Variants in IRAG1 observed in about 807,000 individuals in gnomAD.
The protein encoded by IRAG1 is IP3R-associated cGMP kinase substrate.
In IRAG1, 62 loss-of-function variants were observed where a neutral mutation model predicts 106.2. The ratio of observed to expected loss-of-function variants is 0.58; its 90% CI spans 0.48 to 0.72. The LOEUF is 0.72. Among genes scored for constraint, IRAG1 ranks in the 30% least tolerant of loss-of-function variants. The probability of loss-of-function intolerance (pLI) is 0.00; values close to 1 mark genes in which losing one functional copy is unlikely to be tolerated. For synonymous variants in IRAG1, 462 were observed against 443.9 expected (o/e 1.04, Z -0.51); for missense variants, 1,064 against 1,140.7 (o/e 0.93, Z 0.97).
At position 10,664,280 on chromosome 11, in the gene IRAG1, GC is replaced by G. The variant is rs1589943175; in HGVS notation, c.68-12099del. ...TTCCCTGCTGGGATGGAGCACCCCA[GC>G]TCAGGTCCCCGCCTCCTGTTCATCT... On this transcript the variant is annotated intron_variant, in intron 1 of 20. Coordinates refer to ENST00000423302, the MANE Select transcript of IRAG1 (RefSeq NM_130385.4). Among the ~76,000 whole-genome samples, 3 of 152,258 alleles carry G rather than the reference GC, an allele frequency of 2.0e-5. No individual in the cohort carries two copies. The East Asian group carries it at 5.8e-4, about 29-fold the overall frequency.
chr11:10,622,876 G>GACACACACACACACACACAC (rs10525799), intron 10 of IRAG1, among the ~76,000 whole-genome samples: 6,695 of 141,356 alleles, frequency 0.047, 221 homozygotes, highest in Middle Eastern at 0.082. Context: ...GTAAGCAGTG[G>GACACACACACACACACACAC]ACACACACAC....
At position 10,629,729 on chromosome 11, in the gene IRAG1, G is replaced by A. The variant is rs771862680; in HGVS notation, c.401-18C>T. On this transcript the variant is annotated intron_variant, in intron 4 of 20. Transcript: ENST00000423302. Reference sequence around the variant, plus strand: ...CGCGGGGTCTGCAGAAGGAGGATGAGCTGGGGTGAGAGCCACTGCATCCGT... The same window carrying A: ...CGCGGGGTCTGCAGAAGGAGGATGAACTGGGGTGAGAGCCACTGCATCCGT... 1.2e-6 allele frequency: 2 copies of A among 1,609,664 alleles called. No individual in the cohort carries two copies. Among genetic ancestry groups the A allele is most frequent in the Admixed American group, 1.7e-5 (1 of 59,640 alleles).
intron 9 of IRAG1, 44 bp downstream of exon 9, chr11:10,625,922 T>A: frequency 7.1e-7 from 1 of 1,399,688 alleles, no homozygotes; most frequent in Non-Finnish European, 9.3e-7. Flanking sequence ...GCCCAGGGAG[T>A]ACCTGGAGTA....
chr11:10,632,499 T>G (rs1172865214), intron 3 of IRAG1, among the ~76,000 whole-genome samples: 1 of 152,194 alleles, frequency 6.6e-6, no homozygotes, highest in Non-Finnish European at 1.5e-5. Context: ...TGCCTGTATA[T>G]TCTTTCAAAG....
At chr11:10,679,081 A>T (rs1860932408) in intron 1 of IRAG1, among the ~76,000 whole-genome samples, 1 of 152,162 alleles carries the variant, frequency 6.6e-6, no homozygotes, top group South Asian at 2.1e-4. Context: ...CTTCAGCCTG[A>T]CATGGTGAAG....
intron 2 of IRAG1, among the ~76,000 whole-genome samples, chr11:10,648,691 G>A (rs1404907983): frequency 6.6e-6 from 1 of 152,178 alleles, no homozygotes; most frequent in Non-Finnish European, 1.5e-5. Flanking sequence ...ACCCCACTCA[G>A]GACATAGCCT....
chr11:10,651,581 C>T (rs572250769), intron 2 of IRAG1, among the ~76,000 whole-genome samples: 1 of 152,300 alleles, frequency 6.6e-6, no homozygotes. Context: ...CATTTCCTTT[C>T]TATAATAAAA....
intron 1 of IRAG1, chr11:10,687,872 T>C: frequency 8.8e-7 from 1 of 1,139,174 alleles, no homozygotes; most frequent in South Asian, 1.4e-5. Context: ...GCTTTGCTTT[T>C]TTTTGGGGGG....
In IRAG1 at chr11:10,647,898, C is replaced by T. The variant is rs1007389182; in HGVS notation, c.225+4127G>A. ...GAGAAAAAGAGACTCTGAGAAGACT[C>T]AGAACTGCCTTTCTGCATCTGTAGG... On this transcript the variant is annotated intron_variant, in intron 2 of 20. Transcript: ENST00000423302. This position sits in a 1 kb window ranked among gnomAD's most constrained non-coding sequence, Gnocchi z 4.3. Among the ~76,000 whole-genome samples, 2 of 152,154 alleles carry T rather than the reference C, an allele frequency of 1.3e-5. No homozygotes were observed. The highest frequency in any genetic ancestry group is 1.9e-4 in the East Asian group (1 of 5,192).
At chr11:10,677,156 T>C (rs1860746781) in intron 1 of IRAG1, among the ~76,000 whole-genome samples, 1 of 152,038 alleles carries the variant, frequency 6.6e-6, no homozygotes, top group African/African-American at 2.4e-5. Flanking sequence ...CATATTAACC[T>C]CTTCCCCACT....
At chr11:10,613,529 C>G (rs1023987548) in intron 10 of IRAG1, among the ~76,000 whole-genome samples, 1 of 152,130 alleles carries the variant, frequency 6.6e-6, no homozygotes, top group Admixed American at 6.5e-5. Flanking sequence ...TCCAGCTAAA[C>G]AAGACATAAA....
intron 1 of IRAG1, among the ~76,000 whole-genome samples, chr11:10,689,980 G>C (rs1861935860): frequency 6.6e-6 from 1 of 151,548 alleles, no homozygotes; most frequent in Non-Finnish European, 1.5e-5. Context: ...TTTTTTTCTA[G>C]AAAAAACTGA....
chr11:10,663,774 C>G (rs185297327), intron 1 of IRAG1, among the ~76,000 whole-genome samples: 1 of 152,196 alleles, frequency 6.6e-6, no homozygotes, highest in Non-Finnish European at 1.5e-5. Context: ...GGAATCAAGC[C>G]TCACTTTTCA....
rs1856437420 is a variant in IRAG1, at chr11:10,628,498, C to T, written c.652+253G>A. On this transcript the variant is annotated intron_variant, in intron 6 of 20. Transcript: ENST00000423302. The surrounding 1 kb of genome is among the most constrained non-coding windows in gnomAD (Gnocchi z 4.1). ...GAGGCTGTCCTAGTCCCCTTTCCCA[C>T]CCAGCCTTCCTGACCCTGGGGTACA... Among the ~76,000 whole-genome samples, 1 of 152,218 alleles carries T rather than the reference C, an allele frequency of 6.6e-6. No homozygotes were observed. Among genetic ancestry groups the T allele is most frequent in the African/African-American group, 2.4e-5 (1 of 41,444 alleles).
intron 2 of IRAG1, among the ~76,000 whole-genome samples, chr11:10,650,332 T>A (rs1207207192): frequency 6.6e-6 from 1 of 152,216 alleles, no homozygotes; most frequent in Non-Finnish European, 1.5e-5. Flanking sequence ...CAGGAAGAAT[T>A]TAATATAAAA....
In IRAG1 at chr11:10,673,392, C is replaced by G. The variant is rs78691414; in HGVS notation, c.67+20144G>C. Among the ~76,000 whole-genome samples, 3 of 152,010 alleles carry G rather than the reference C, an allele frequency of 2.0e-5. No individual in the cohort carries two copies. In the East Asian group the frequency reaches 5.8e-4, roughly 29 times the overall value. The stretch of plus-strand genomic sequence containing the variant: ...AAAATATTATGGTAAGTGAAAGAAG[C>G]CAGTCACAAAAAACCATACGTATTA... On this transcript the variant is annotated intron_variant, in intron 1 of 20. Transcript: ENST00000423302.
At chr11:10,623,920 GCT>G in intron 9 of IRAG1, 64 bp from the exon 10 acceptor site, 1 of 1,478,114 alleles carries the variant, frequency 6.8e-7, no homozygotes, top group East Asian at 2.3e-5. Flanking sequence ...TGTTCTCTTG[GCT>G]CTGTCTATGG....
At chr11:10,671,895 A>C (rs1860261830) in intron 1 of IRAG1, among the ~76,000 whole-genome samples, 1 of 152,212 alleles carries the variant, frequency 6.6e-6, no homozygotes, top group Non-Finnish European at 1.5e-5. Context: ...AGCAACAATA[A>C]TCAAAACAAA....
chr11:10,655,826 G>A (rs1863243), intron 1 of IRAG1, among the ~76,000 whole-genome samples: 113,332 of 152,092 alleles, frequency 0.75, 43,243 homozygotes, highest in East Asian at 0.98. Context: ...ACAGAAAGCA[G>A]AATAGAACAA....
Sources: gnomAD v4.1 joint callset for allele counts (sites outside exome capture counted in the v4.1 genomes callset) on GRCh38, gnomAD v4.1.1 for gene constraint, Gnocchi (gnomAD v3.1) non-coding constraint, MANE v1.5 for transcripts, NCBI Gene and HGNC (gene_info 2026-07-23, HGNC 2026-07-21) for gene names.